ANK2: variants seen among roughly 807,000 people sequenced by gnomAD.
The protein encoded by ANK2 is ankyrin-2.
ANK2 carries 83 observed loss-of-function variants against 360.5 expected under a neutral mutation model. The ratio of observed to expected loss-of-function variants is 0.23; its 90% CI spans 0.19 to 0.28. The LOEUF is 0.28. Ranked by LOEUF, ANK2 falls within the 10% of genes least tolerant of loss-of-function variation. The pLI, the probability that ANK2 is intolerant of heterozygous loss-of-function variation, is 1.00. For missense variants in ANK2, 4,201 were observed against 4,795.7 expected, an observed-to-expected ratio of 0.88 and a Z score of 3.66; for synonymous variants, 1,740 against 1,759.5, an observed-to-expected ratio of 0.99 and a Z score of 0.28.
chr4:113,065,669 C>T (rs1244994552), intron 1 of ANK2, among the ~76,000 whole-genome samples: 2 of 152,126 alleles, frequency 1.3e-5, no homozygotes, highest in African/African-American at 4.8e-5. Flanking sequence ...GAGAGAATTT[C>T]AGTGTTGATT....
At chr4:112,724,216 C>A in the ANK2 span, among the ~76,000 whole-genome samples, 3 of 152,020 alleles carry the variant, frequency 2.0e-5, no homozygotes, top group Admixed American at 1.3e-4. Flanking sequence ...AGGCGCATGC[C>A]ACCATGCCTG....
At chr4:112,881,722 C>T in intron 1 of ANK2, 1 of 554,862 alleles carries the variant, frequency 1.8e-6, no homozygotes, top group South Asian at 2.3e-5. Flanking sequence ...TACACACGAG[C>T]CACTGCCTCA....
the ANK2 span, among the ~76,000 whole-genome samples, chr4:112,757,021 A>G: frequency 6.6e-6 from 1 of 152,058 alleles, no homozygotes; most frequent in African/African-American, 2.4e-5. Context: ...AGAACTCATG[A>G]GTGCCATCAC....
At chr4:113,058,396 A>G (rs1312292082) in intron 1 of ANK2, among the ~76,000 whole-genome samples, 1 of 152,118 alleles carries the variant, frequency 6.6e-6, no homozygotes, top group African/African-American at 2.4e-5. Flanking sequence ...TGTAATTCTA[A>G]TATTTGACAA....
intron 1 of ANK2, among the ~76,000 whole-genome samples, chr4:113,153,561 TA>T (rs924403891): frequency 6.6e-6 from 1 of 152,234 alleles, no homozygotes; most frequent in African/African-American, 2.4e-5. Context: ...CTATAATACA[TA>T]ATCATTTCTT....
chr4:113,199,146 T>C, intron 4 of ANK2, 37 bp downstream of exon 4: 1 of 1,487,490 alleles, frequency 6.7e-7, no homozygotes, highest in Non-Finnish European at 9.4e-7. Context: ...TACATACATT[T>C]AAATTAGAAC....
chr4:113,275,103 T>C (rs1198578231), intron 15 of ANK2, among the ~76,000 whole-genome samples: 1 of 152,344 alleles, frequency 6.6e-6, no homozygotes, highest in East Asian at 1.9e-4. Flanking sequence ...ACCCTACTAT[T>C]AGCCACCACT....
chr4:112,889,749 C>T (rs1279290630), intron 1 of ANK2, among the ~76,000 whole-genome samples: 1 of 152,122 alleles, frequency 6.6e-6, no homozygotes, highest in African/African-American at 2.4e-5. Flanking sequence ...CTTTACTTCA[C>T]ATCCCAGCTG....
At chr4:112,971,827 C>T (rs1009164344) in intron 2 of ANK2, among the ~76,000 whole-genome samples, 1 of 152,162 alleles carries the variant, frequency 6.6e-6, no homozygotes, top group Non-Finnish European at 1.5e-5. Flanking sequence ...ATTTCCTCAA[C>T]GTACCCTATG....
the ANK2 span, among the ~76,000 whole-genome samples, chr4:112,751,489 A>G: frequency 6.6e-6 from 1 of 152,206 alleles, no homozygotes; most frequent in African/African-American, 2.4e-5. Flanking sequence ...TTTTCATAAC[A>G]GACTTCACTA....
chr4:112,726,606 T>C, the ANK2 span, among the ~76,000 whole-genome samples: 3 of 152,026 alleles, frequency 2.0e-5, no homozygotes, highest in Admixed American at 2.0e-4. Flanking sequence ...AATTCTCTTA[T>C]TGCGGGAGGC....
At chr4:112,894,625 C>T (rs75919871) in intron 1 of ANK2, among the ~76,000 whole-genome samples, 3,843 of 152,190 alleles carry the variant, frequency 0.025, 147 homozygotes, top group African/African-American at 0.085. Flanking sequence ...CTAGAAAACA[C>T]GGTAAAATGC....
chr4:112,952,910 A>C (rs1561253461), intron 2 of ANK2, among the ~76,000 whole-genome samples: 2 of 152,200 alleles, frequency 1.3e-5, no homozygotes, highest in African/African-American at 4.8e-5. Flanking sequence ...GACTTGACCA[A>C]GTCAAGAGAG....
chr4:113,367,447 T>C (rs2096577130), intron 41 of ANK2, 119 bp from the exon 42 acceptor site: 2 of 923,456 alleles, frequency 2.2e-6, no homozygotes, highest in Non-Finnish European at 3.4e-6. Flanking sequence ...CATGGGCCCA[T>C]CTCAGGATGT....
intron 1 of ANK2, among the ~76,000 whole-genome samples, chr4:113,066,321 C>T (rs1193236159): frequency 6.6e-6 from 1 of 152,146 alleles, no homozygotes; most frequent in African/African-American, 2.4e-5. Context: ...ACTCTTATTA[C>T]GAAGGGTTAC....
chr4:113,221,125 C>T (rs1240709572), intron 4 of ANK2, among the ~76,000 whole-genome samples: 2 of 152,142 alleles, frequency 1.3e-5, no homozygotes, highest in Non-Finnish European at 2.9e-5. Context: ...TGGAGCCAGG[C>T]ATTGACTCGT....
At chr4:112,709,358 A>G in the ANK2 span, among the ~76,000 whole-genome samples, 25 of 152,350 alleles carry the variant, frequency 1.6e-4, no homozygotes, top group East Asian at 4.6e-3. Context: ...TTGTCTGTAT[A>G]TGTCATATAC....
intron 1 of ANK2, among the ~76,000 whole-genome samples, chr4:113,148,061 T>G (rs2154393075): frequency 6.6e-6 from 1 of 152,294 alleles, no homozygotes; most frequent in Non-Finnish European, 1.5e-5. Flanking sequence ...TTGCCCTGGA[T>G]CCTAGGGTAG....
intron 1 of ANK2, among the ~76,000 whole-genome samples, chr4:112,882,880 T>C (rs762908539): frequency 2.0e-5 from 3 of 151,974 alleles, no homozygotes; most frequent in Non-Finnish European, 4.4e-5. Flanking sequence ...CTTTATTAGC[T>C]TGTAACAAAA....
Sources: allele counts gnomAD v4.1 joint callset (sites outside exome capture counted in the v4.1 genomes callset), GRCh38; gene constraint gnomAD v4.1.1; transcripts MANE v1.5; gene names NCBI Gene and HGNC (gene_info 2026-07-23, HGNC 2026-07-21).